XIRP1: variants seen among roughly 807,000 people sequenced by gnomAD.
The protein encoded by XIRP1 is xin actin binding repeat containing 1.
For missense variants in XIRP1, 2,378 were observed against 2,345.4 expected, an observed-to-expected ratio of 1.01 and a Z score of -0.29; for synonymous variants, 984 against 947.0, an observed-to-expected ratio of 1.04 and a Z score of -0.72.
Position 39,187,047 on chromosome 3 carries a change from A to G in XIRP1, c.2399T>C (p.Leu800Pro), listed in dbSNP as rs763165049. The G allele has an allele frequency of 6.2e-7, 1 of 1,611,514 alleles. No individual in the cohort carries two copies. The highest frequency in any genetic ancestry group is 1.1e-5 in the South Asian group (1 of 91,044). ...ILMEARGPGE[L>P]CLAKYVLSGT... ...CGAGAGCACATACTTGGCAAGACAG[A>G]GCTCCCCTGGCCCTCGGGCCTCCAT... The change falls in exon 2 of 2, where the codon CTC (leucine) becomes CCC (proline). Residue 800 changes from leucine (L) to proline (P), a missense_variant. Physicochemically the swap from Leu to Pro is moderately conservative, Grantham distance 98 (BLOSUM62 -3). Coordinates refer to ENST00000340369, the MANE Select transcript of XIRP1 (RefSeq NM_194293.4).
At position 39,185,705 on chromosome 3, in the gene XIRP1, C is replaced by T. The variant is rs770016283; in HGVS notation, c.3741G>A (p.Pro1247=). The change falls in exon 2 of 2, where the codon CCG becomes CCA. Residue 1247 remains proline, a synonymous_variant. Transcript: ENST00000340369. The stretch of plus-strand genomic sequence containing the variant: ...GAGGAACAAAGGCATTATGGGGGTG[C>T]GGGCTGGCACCTGCAGCTTGGGGCC... ...ASGPQAAGAS[P]HPHNAFVPPP... 33 of 1,610,732 alleles carry T rather than the reference C, an allele frequency of 2.0e-5. No homozygotes were observed. The highest frequency in any genetic ancestry group is 2.3e-5 in the Non-Finnish European group (27 of 1,178,374).
At chr3:39,190,534 C>A (rs2040073392) in intron 1 of XIRP1, among the ~76,000 whole-genome samples, 1 of 152,084 alleles carries the variant, frequency 6.6e-6, no homozygotes, top group Non-Finnish European at 1.5e-5. Context: ...CTGGATACCG[C>A]TCTCTAAGCA....
chr3:39,188,249 C>T lies in XIRP1; in HGVS notation c.1197G>A (p.Val399=). 1 of 1,614,184 alleles carries T rather than the reference C, an allele frequency of 6.2e-7. No individual in the cohort carries two copies. The highest frequency in any genetic ancestry group is 1.7e-5 in the Admixed American group (1 of 60,032). ...GGGGATCCACTCGCTGTAGGTGACCCACTTGGACCTTGTCTCTGAAAGCAT... is the reference window on the plus strand; with the variant it reads ...GGGGATCCACTCGCTGTAGGTGACCTACTTGGACCTTGTCTCTGAAAGCAT... ...PLDAFRDKVQ[V]GHLQRVDPQD... is the part of the protein sequence containing the mutation. The change falls in exon 2 of 2, where the codon GTG becomes GTA. Residue 399 remains valine, a synonymous_variant. Transcript: ENST00000340369.
chr3:39,185,220 C>A lies in XIRP1; in HGVS notation c.4226G>T (p.Arg1409Met). The change falls in exon 2 of 2, where the codon AGG becomes ATG. Residue 1409 changes from arginine to methionine, a missense_variant. Arg to Met is a moderately conservative substitution (Grantham distance 91). Transcript: ENST00000340369. ...GCCTGTAGCCTGATTCTTGGTGGGCCTGGGGGCCGTGGTGCTGAGGCCATG... is the reference window on the plus strand; with the variant it reads ...GCCTGTAGCCTGATTCTTGGTGGGCATGGGGGCCGTGGTGCTGAGGCCATG... The part of the protein sequence containing the change: ...LQHGLSTTAP[R>M]PTKNQATGSN... The A allele has an allele frequency of 6.2e-7, 1 of 1,613,902 alleles. No homozygotes were observed. Among genetic ancestry groups the A allele is most frequent in the Non-Finnish European group, 8.5e-7 (1 of 1,179,928 alleles).
chr3:39,184,701 C>A lies in XIRP1; in HGVS notation c.4745G>T (p.Ser1582Ile). 6.2e-7 allele frequency: 1 copy of A among 1,614,248 alleles called. No individual in the cohort carries two copies. Among genetic ancestry groups the A allele is most frequent in the Non-Finnish European group, 8.5e-7 (1 of 1,180,050 alleles). The part of the protein sequence containing the change: ...GHFQGPPKDH[S>I]AHKISVTVSS... ...GACTGTGACACTGATCTTGTGGGCA[C>A]TGTGGTCTTTTGGAGGTCCCTGGAA... The change falls in exon 2 of 2, where the codon AGT (serine) becomes ATT (isoleucine). Residue 1582 changes from serine (S) to isoleucine (I), a missense_variant. Transcript: ENST00000340369.
At position 39,188,766 on chromosome 3, in the gene XIRP1, T is replaced by A; in HGVS notation, c.680A>T (p.Asp227Val). 2 of 1,613,718 alleles carry A rather than the reference T, an allele frequency of 1.2e-6. No homozygotes were observed. The highest frequency in any genetic ancestry group is 1.7e-6 in the Non-Finnish European group (2 of 1,180,038). Residue 227 changes from aspartate to valine, a missense_variant, in exon 2 of 2, where the codon GAT (aspartate) becomes GTT (valine). Coordinates refer to ENST00000340369, the MANE Select transcript of XIRP1 (RefSeq NM_194293.4). ...GAAGAGCTTCACTGTCTTTTTCACA[T>A]CACCCTTCAGCTCCTGGATCTCTGA... ...LRSEIQELKG[D>V]VKKTVKLFQT...
In XIRP1 at chr3:39,184,379, C is replaced by T. The variant is rs768428052; in HGVS notation, c.5067G>A (p.Lys1689=). ...TTTTCACTGAGACATCAGGGTTGCC[C>T]TTAAAGCTGGGAGTCTCTAGAGGCT... The part of the protein sequence containing the change: ...TRKPLETPSF[K]GNPDVSVKST... The change falls in exon 2 of 2, where the codon AAG becomes AAA. Residue 1689 remains lysine (K), a synonymous_variant. Transcript: ENST00000340369. 30 of 1,614,022 alleles carry T rather than the reference C, an allele frequency of 1.9e-5. No homozygotes were observed. The highest frequency in any genetic ancestry group is 2.2e-5 in the Non-Finnish European group (26 of 1,180,030).
Position 39,186,104 on chromosome 3 carries a change from T to C in XIRP1, c.3342A>G (p.Pro1114=), listed in dbSNP as rs369543916. The change falls in exon 2 of 2, where the codon CCA becomes CCG. Residue 1114 remains proline, a synonymous_variant. Transcript: ENST00000340369. ...CCCTACTGACCTTTCTGGGGGCTGC[T>C]GGGATCCGGGGATCACTTCCACCCC... ...RPGGGSDPRI[P]AAPRKVSREE... is the part of the protein sequence containing the mutation. 25 of 1,613,616 alleles carry C rather than the reference T, an allele frequency of 1.5e-5. No homozygotes were observed. Among genetic ancestry groups the C allele is most frequent in the Non-Finnish European group, 2.1e-5 (25 of 1,179,752 alleles).
In XIRP1 at chr3:39,187,282, C is replaced by A. The variant is rs375204096; in HGVS notation, c.2164G>T (p.Ala722Ser). The stretch of plus-strand genomic sequence containing the variant: ...CAAGTGAACTTGTGGACAGAACCCG[C>A]GGGGATGGACCCAGCGATTACCCGG... ...EPRVIAGSIP[A>S]GSVHKFTWLF... The change falls in exon 2 of 2, where the codon GCG becomes TCG. Residue 722 changes from alanine to serine, a missense_variant. Transcript: ENST00000340369. 3 of 1,584,812 alleles carry A rather than the reference C, an allele frequency of 1.9e-6. No homozygotes were observed. Among genetic ancestry groups the A allele is most frequent in the Non-Finnish European group, 8.6e-7 (1 of 1,164,074 alleles).
In XIRP1 at chr3:39,184,422, A is replaced by C; in HGVS notation, c.5024T>G (p.Ile1675Ser). The stretch of plus-strand genomic sequence containing the variant: ...TAGAGGCTTCCTTGTGGCCGACTGG[A>C]TGGAGATAAATGTTGGGGAGGAGGG... ...DSPSSPTFIS[I>S]QSATRKPLET... Residue 1675 changes from isoleucine to serine, a missense_variant, in exon 2 of 2, where the codon ATC becomes AGC. Physicochemically the swap from Ile to Ser is moderately radical, Grantham distance 142. Coordinates refer to ENST00000340369, the MANE Select transcript of XIRP1 (RefSeq NM_194293.4). The C allele has an allele frequency of 6.2e-7, 1 of 1,614,134 alleles. No individual in the cohort carries two copies. Among genetic ancestry groups the C allele is most frequent in the Non-Finnish European group, 8.5e-7 (1 of 1,180,024 alleles).
rs776138187 is a variant in XIRP1 at position 39,183,892 on chromosome 3, G to C, written c.*22C>G. 1.4e-5 allele frequency: 22 copies of C among 1,600,918 alleles called. No homozygotes were observed. Among genetic ancestry groups the C allele is most frequent in the Admixed American group, 8.4e-5 (5 of 59,322 alleles). ...AGTGGAGGCCAGGAACAGGTGGCAG[G>C]TGTGGTGGGAGGCGGTGGGCCTCAC... On this transcript the variant is annotated 3_prime_UTR_variant, in exon 2 of 2. Coordinates refer to ENST00000340369, the MANE Select transcript of XIRP1 (RefSeq NM_194293.4).
chr3:39,188,638 G>T lies in XIRP1; in HGVS notation c.808C>A (p.Arg270Ser). The T allele has an allele frequency of 6.2e-7, 1 of 1,613,278 alleles. No individual in the cohort carries two copies. The highest frequency in any genetic ancestry group is 8.5e-7 in the Non-Finnish European group (1 of 1,179,994). ...EIQSNAVRSA[R>S]WLFETRPLDA... Reference sequence around the variant, plus strand: ...AGAGGCCGGGTCTCAAAGAGCCAGCGGGCAGACCTCACCGCGTTGCTTTGG... The same window carrying T: ...AGAGGCCGGGTCTCAAAGAGCCAGCTGGCAGACCTCACCGCGTTGCTTTGG... Residue 270 changes from arginine to serine, a missense_variant, in exon 2 of 2, where the codon CGC (arginine) becomes AGC (serine). Arg to Ser is a moderately radical substitution (Grantham distance 110). Coordinates refer to ENST00000340369, the MANE Select transcript of XIRP1 (RefSeq NM_194293.4).
In XIRP1 at chr3:39,186,583, C is replaced by T. The variant is rs1467568321; in HGVS notation, c.2863G>A (p.Val955Met). The T allele has an allele frequency of 6.2e-7, 1 of 1,611,018 alleles. No individual in the cohort carries two copies. The highest frequency in any genetic ancestry group is 1.3e-5 in the African/African-American group (1 of 75,022). ...RWEPPADPSP[V>M]PASEGAQSLH... ...CTCTGGGCCCCCTCGCTGGCTGGCA[C>T]TGGACTCGGGTCAGCCGGGGGCTCC... The change falls in exon 2 of 2, where the codon GTG becomes ATG. Residue 955 changes from valine to methionine, a missense_variant. Physicochemically the swap from Val to Met is conservative, Grantham distance 21. Transcript: ENST00000340369.
At position 39,185,419 on chromosome 3, in the gene XIRP1, G is replaced by A. The variant is rs749873676; in HGVS notation, c.4027C>T (p.Pro1343Ser). ...CTGGGAGATAGAGGCAAGGGCTTGG[G>A]CAGCCTCTGAGGAGGGTGGCTCTGG... The part of the protein sequence containing the change: ...LTQSHPPQRL[P>S]KPLPLSPSFS... Residue 1343 changes from proline (P) to serine (S), a missense_variant, in exon 2 of 2, where the codon CCC (proline) becomes TCC (serine). Physicochemically the swap from Pro to Ser is moderately conservative, Grantham distance 74. Transcript: ENST00000340369. 1 of 1,612,882 alleles carries A rather than the reference G, an allele frequency of 6.2e-7. No homozygotes were observed. Among genetic ancestry groups the A allele is most frequent in the Admixed American group, 1.7e-5 (1 of 59,986 alleles).
At position 39,186,070 on chromosome 3, in the gene XIRP1, C is replaced by A; in HGVS notation, c.3376G>T (p.Ala1126Ser). The A allele has an allele frequency of 1.2e-6, 2 of 1,614,094 alleles. No homozygotes were observed. Among genetic ancestry groups the A allele is most frequent in the Non-Finnish European group, 1.7e-6 (2 of 1,179,952 alleles). ...APRKVSREEQ[A>S]LPRGLPGGWV... Reference sequence around the variant, plus strand: ...CCCCCAGGCAGCCCTCTGGGTAGTGCTTGCTCTTCCCTACTGACCTTTCTG... The same window carrying A: ...CCCCCAGGCAGCCCTCTGGGTAGTGATTGCTCTTCCCTACTGACCTTTCTG... The change falls in exon 2 of 2, where the codon GCA becomes TCA. Residue 1126 changes from alanine (A) to serine (S), a missense_variant. Coordinates refer to ENST00000340369, the MANE Select transcript of XIRP1 (RefSeq NM_194293.4).
Position 39,189,167 on chromosome 3 carries a change from G to A in XIRP1, c.279C>T (p.Cys93=), listed in dbSNP as rs778725715. 3 of 1,614,050 alleles carry A rather than the reference G, an allele frequency of 1.9e-6. No individual in the cohort carries two copies. The highest frequency in any genetic ancestry group is 2.5e-6 in the Non-Finnish European group (3 of 1,180,054). Reference sequence around the variant, plus strand: ...TCCAGTTCTCAAAGATCCAGCGCATGCACTGAACGTCACCCTCGGTGGGTT... The same window carrying A: ...TCCAGTTCTCAAAGATCCAGCGCATACACTGAACGTCACCCTCGGTGGGTT... ...SEEPTEGDVQ[C]MRWIFENWRL... is the part of the protein sequence containing the mutation. Residue 93 remains cysteine (C), a synonymous_variant, in exon 2 of 2, where the codon TGC becomes TGT. Transcript: ENST00000340369.
rs751940936 is a variant in XIRP1 at position 39,186,128 on chromosome 3, C to T, written c.3318G>A (p.Gly1106=). ...AGATQSNIRP[G]GGSDPRIPAA... is the part of the protein sequence containing the mutation. ...CTGGGATCCGGGGATCACTTCCACC[C>T]CCAGGCCTTATGTTGCTTTGGGTAG... The change falls in exon 2 of 2, where the codon GGG becomes GGA. Residue 1106 remains glycine, a synonymous_variant. Transcript: ENST00000340369. 1 of 1,613,330 alleles carries T rather than the reference C, an allele frequency of 6.2e-7. No individual in the cohort carries two copies. The highest frequency in any genetic ancestry group is 2.2e-5 in the East Asian group (1 of 44,862).
Position 39,183,973 on chromosome 3 carries a change from G to T in XIRP1, c.5473C>A (p.Leu1825Met), listed in dbSNP as rs1206211551. 2.5e-6 allele frequency: 4 copies of T among 1,612,362 alleles called. No homozygotes were observed. Among genetic ancestry groups the T allele is most frequent in the Non-Finnish European group, 2.5e-6 (3 of 1,179,946 alleles). Reference protein sequence around the residue: ...LHSPAGFSSDLTEAETVQVSC... With the variant: ...LHSPAGFSSDMTEAETVQVSC... ...ACCTGCACCGTCTCAGCTTCTGTCA[G>T]GTCACTGCTGAACCCAGCTGGGCTG... is the stretch of plus-strand genomic sequence containing the variant. Residue 1825 changes from leucine to methionine, a missense_variant, in exon 2 of 2, where the codon CTG (leucine) becomes ATG (methionine). Transcript: ENST00000340369.
intron 1 of XIRP1, among the ~76,000 whole-genome samples, chr3:39,190,284 T>C (rs1035246821): frequency 6.6e-6 from 1 of 152,124 alleles, no homozygotes; most frequent in Admixed American, 6.5e-5. Context: ...TGAGGGAACT[T>C]AGGCCCAGAG....
Sources: allele counts gnomAD v4.1 joint callset (sites outside exome capture counted in the v4.1 genomes callset), GRCh38; gene constraint gnomAD v4.1.1; transcripts MANE v1.5; gene names NCBI Gene and HGNC (gene_info 2026-07-23, HGNC 2026-07-21).